COL8A1: variants seen among roughly 807,000 people sequenced by gnomAD.
The protein encoded by COL8A1 is collagen alpha-1(VIII) chain.
A neutral mutation model predicts 42.7 loss-of-function variants in COL8A1; 21 were observed. The ratio of observed to expected loss-of-function variants is 0.49; its 90% CI spans 0.35 to 0.71. COL8A1 has a LOEUF of 0.71. Ranked by LOEUF, COL8A1 falls within the 30% of genes least tolerant of loss-of-function variation. COL8A1 has a pLI of 0.01. For synonymous variants in COL8A1, 367 were observed against 369.1 expected, an observed-to-expected ratio of 0.99 and a Z score of 0.06; for missense variants, 788 against 962.4, an observed-to-expected ratio of 0.82 and a Z score of 2.40.
At chr3:99,668,596 A>G (rs1303048304) in intron 1 of COL8A1, among the ~76,000 whole-genome samples, 1 of 152,128 alleles carries the variant, frequency 6.6e-6, no homozygotes, top group Admixed American at 6.6e-5. Context: ...GGAAACTACT[A>G]GAGCTGAGCT....
chr3:99,722,613 T>TA (rs1199586519), intron 1 of COL8A1, among the ~76,000 whole-genome samples: 2 of 152,088 alleles, frequency 1.3e-5, no homozygotes, highest in Non-Finnish European at 2.9e-5. Flanking sequence ...AAGGAATACT[T>TA]AGAACATATT....
At chr3:99,699,933 T>C (rs1198846692) in intron 1 of COL8A1, among the ~76,000 whole-genome samples, 1 of 152,178 alleles carries the variant, frequency 6.6e-6, no homozygotes, top group Non-Finnish European at 1.5e-5. Flanking sequence ...TAATGTGTGC[T>C]GAAATTCCTG....
chr3:99,679,890 C>A (rs1194179554), intron 1 of COL8A1: 1 of 152,094 alleles, frequency 6.6e-6, no homozygotes, highest in Non-Finnish European at 1.5e-5. Context: ...ATTTTTAATA[C>A]CACAAAAACT....
At chr3:99,657,554 T>C (rs1177685761) in intron 1 of COL8A1, among the ~76,000 whole-genome samples, 1 of 152,168 alleles carries the variant, frequency 6.6e-6, no homozygotes, top group Non-Finnish European at 1.5e-5. Flanking sequence ...TAAAATGCTC[T>C]CAGGAATGTT....
chr3:99,707,499 C>T (rs1009853888), intron 1 of COL8A1, among the ~76,000 whole-genome samples: 4 of 152,256 alleles, frequency 2.6e-5, no homozygotes, highest in South Asian at 2.1e-4. Flanking sequence ...CCATCACTCC[C>T]GAGGGAGTGC....
At chr3:99,727,521 C>T (rs1219170702) in intron 1 of COL8A1, among the ~76,000 whole-genome samples, 1 of 151,938 alleles carries the variant, frequency 6.6e-6, no homozygotes, top group African/African-American at 2.4e-5. Context: ...TTTCAGCTTT[C>T]TACATATGGC....
At chr3:99,650,434 T>A (rs1937807156) in intron 1 of COL8A1, among the ~76,000 whole-genome samples, 1 of 152,156 alleles carries the variant, frequency 6.6e-6, no homozygotes, top group Admixed American at 6.5e-5. Flanking sequence ...ACTTTATTTT[T>A]ATTTTTAATT....
intron 1 of COL8A1, among the ~76,000 whole-genome samples, chr3:99,718,343 G>C (rs559188589): frequency 2.6e-5 from 4 of 152,142 alleles, no homozygotes; most frequent in African/African-American, 9.6e-5. Context: ...AGGTATTCAA[G>C]TAATACTCAG....
intron 1 of COL8A1, among the ~76,000 whole-genome samples, chr3:99,723,689 A>G (rs1242475746): frequency 6.6e-6 from 1 of 152,088 alleles, no homozygotes; most frequent in Non-Finnish European, 1.5e-5. Flanking sequence ...TCTTAGAAAA[A>G]CCTAAACCTA....
chr3:99,731,313 T>A (rs1184076306), intron 1 of COL8A1, among the ~76,000 whole-genome samples: 1 of 152,086 alleles, frequency 6.6e-6, no homozygotes, highest in African/African-American at 2.4e-5. Flanking sequence ...TGGTGAAGCG[T>A]CCAGACAGCC....
intron 2 of COL8A1, among the ~76,000 whole-genome samples, chr3:99,745,848 C>A (rs1242461419): frequency 6.6e-6 from 1 of 150,726 alleles, no homozygotes; most frequent in African/African-American, 2.4e-5. Context: ...AAAAAAACCA[C>A]AACATACCGT....
At chr3:99,642,060 G>A (rs1303194252) in intron 1 of COL8A1, among the ~76,000 whole-genome samples, 2 of 152,176 alleles carry the variant, frequency 1.3e-5, no homozygotes, top group Non-Finnish European at 2.9e-5. Flanking sequence ...AGAATATAAT[G>A]AAGAAGATCT....
intron 1 of COL8A1, among the ~76,000 whole-genome samples, chr3:99,669,756 C>T (rs1372518067): frequency 6.6e-6 from 1 of 151,930 alleles, no homozygotes; most frequent in Admixed American, 6.6e-5. Context: ...AAGAGATCGA[C>T]AGAGGGAAGC....
intron 1 of COL8A1, among the ~76,000 whole-genome samples, chr3:99,651,132 G>A (rs1057404031): frequency 6.6e-6 from 1 of 151,964 alleles, no homozygotes; most frequent in African/African-American, 2.4e-5. Flanking sequence ...CCCTATCACT[G>A]CCTGGATTCT....
chr3:99,795,983 G>A lies in COL8A1; in HGVS notation c.2082G>A (p.Lys694=), dbSNP rs757946565. The change falls in exon 4 of 4, where the codon AAG becomes AAA. Residue 694 remains lysine, a synonymous_variant. Coordinates refer to ENST00000652472, the MANE Select transcript of COL8A1 (RefSeq NM_020351.4). ...TGTACACGTACGACGAGTACAAAAA[G>A]GGCTTCCTGGACCAGGCATCTGGGA... is the stretch of plus-strand genomic sequence containing the variant. ...PVMYTYDEYK[K]GFLDQASGSA... 1.2e-6 allele frequency: 2 copies of A among 1,614,008 alleles called. No individual in the cohort carries two copies. The highest frequency in any genetic ancestry group is 1.3e-5 in the African/African-American group (1 of 75,048).
At chr3:99,683,144 T>C (rs1331722718) in intron 1 of COL8A1, among the ~76,000 whole-genome samples, 2 of 152,226 alleles carry the variant, frequency 1.3e-5, no homozygotes, top group Non-Finnish European at 2.9e-5. Flanking sequence ...AGAATTCTCA[T>C]AGAATTTTTT....
intron 1 of COL8A1, among the ~76,000 whole-genome samples, chr3:99,674,755 G>A (rs1001033880): frequency 6.6e-6 from 1 of 152,004 alleles, no homozygotes; most frequent in African/African-American, 2.4e-5. Flanking sequence ...AATGTTTGAA[G>A]TTGGATCATT....
chr3:99,658,439 C>T (rs776424197), intron 1 of COL8A1, among the ~76,000 whole-genome samples: 1 of 152,212 alleles, frequency 6.6e-6, no homozygotes, highest in Non-Finnish European at 1.5e-5. Flanking sequence ...GATAAAGTGG[C>T]CCTGCCCTGT....
intron 2 of COL8A1, among the ~76,000 whole-genome samples, chr3:99,788,581 T>G (rs1449537424): frequency 6.6e-6 from 1 of 152,228 alleles, no homozygotes; most frequent in East Asian, 1.9e-4. Context: ...GGATTAACAC[T>G]TTCAGATCTC....
Sources: gnomAD v4.1 joint callset for allele counts (sites outside exome capture counted in the v4.1 genomes callset) on GRCh38, gnomAD v4.1.1 for gene constraint, MANE v1.5 for transcripts, NCBI Gene and HGNC (gene_info 2026-07-23, HGNC 2026-07-21) for gene names.